The following IFIH1 variants were observed in gnomAD, a reference collection of about 807,000 sequenced individuals.
IFIH1 encodes interferon induced with helicase C domain 1, also known as interferon-induced helicase C domain-containing protein 1.
IFIH1 carries 125 observed loss-of-function variants against 107.4 expected under a neutral mutation model. The ratio of observed to expected loss-of-function variants is 1.16; its 90% CI spans 1.01 to 1.35. IFIH1 has a LOEUF of 1.35. Ranked by LOEUF, IFIH1 falls within the 40% of genes most tolerant of loss-of-function variation. IFIH1 has a pLI of 0.00. For missense variants in IFIH1, 1,333 were observed against 1,213.7 expected, an observed-to-expected ratio of 1.10 and a Z score of -1.46; for synonymous variants, 458 against 413.2, an observed-to-expected ratio of 1.11 and a Z score of -1.31.
chr2:162,304,581 CT>C (rs1183573476), intron 3 of IFIH1, among the ~76,000 whole-genome samples: 1 of 152,074 alleles, frequency 6.6e-6, no homozygotes, highest in Non-Finnish European at 1.5e-5. Flanking sequence ...GAATTGATAT[CT>C]TATATACTTA....
chr2:162,283,533 A>G (rs1440966164), intron 5 of IFIH1, among the ~76,000 whole-genome samples: 1 of 152,000 alleles, frequency 6.6e-6, no homozygotes, highest in Non-Finnish European at 1.5e-5. Flanking sequence ...AGTGTACAAT[A>G]TGGGAAACAG....
intron 13 of IFIH1, among the ~76,000 whole-genome samples, chr2:162,268,844 C>T (rs1306564125): frequency 1.3e-5 from 2 of 152,092 alleles, no homozygotes; most frequent in East Asian, 3.9e-4. Context: ...CTGCCTCAGC[C>T]TCTCAAAGTG....
chr2:162,310,944 A>G lies in IFIH1; in HGVS notation c.454-11T>C, dbSNP rs1198189984. ...TTCTGCAGCAGCAATCTGTTGTAAGAGAAAATTAGAATTAAGTAAGATCAA... is the reference window on the plus strand; with the variant it reads ...TTCTGCAGCAGCAATCTGTTGTAAGGGAAAATTAGAATTAAGTAAGATCAA... On this transcript the variant is annotated splice_polypyrimidine_tract_variant and intron_variant, in intron 1 of 15. Coordinates refer to ENST00000649979, the MANE Select transcript of IFIH1 (RefSeq NM_022168.4). 1.9e-5 allele frequency: 31 copies of G among 1,606,018 alleles called. No individual in the cohort carries two copies. The highest frequency in any genetic ancestry group is 2.6e-5 in the Non-Finnish European group (31 of 1,174,852).
chr2:162,314,419 T>TTTCCTTC (rs1558877465), intron 1 of IFIH1, among the ~76,000 whole-genome samples: 1 of 38,334 alleles, frequency 2.6e-5, no homozygotes, highest in Non-Finnish European at 4.5e-5. Context: ...TTCTTTCTTT[T>TTTCCTTC]CTTTCTTTCT....
Position 162,277,040 on chromosome 2 carries a change from TAC to T in IFIH1, c.2045-96_2045-95del, listed in dbSNP as rs756722351. 1.4e-4 allele frequency: 114 copies of T among 839,490 alleles called. 1 individual carries two copies. The highest frequency in any genetic ancestry group is 1.2e-3 in the South Asian group (60 of 51,054). 52.0% of individuals were successfully genotyped at this position (839,490 alleles called of 1,614,324 possible). On this transcript the variant is annotated intron_variant, in intron 10 of 15. Coordinates refer to ENST00000649979, the MANE Select transcript of IFIH1 (RefSeq NM_022168.4). Reference sequence around the variant, plus strand: ...TCAAACATTTTGTACACCAAAAATATACAGTTTTATTGATTAAAAATTAATTA... The same window carrying T: ...TCAAACATTTTGTACACCAAAAATATAGTTTTATTGATTAAAAATTAATTA...
chr2:162,311,177 A>G (rs1194383243), intron 1 of IFIH1, among the ~76,000 whole-genome samples: 1 of 152,106 alleles, frequency 6.6e-6, no homozygotes, highest in Admixed American at 6.5e-5. Flanking sequence ...TTAAATATGA[A>G]CCATTTTTTT....
rs1231845225 is a variant in IFIH1, at chr2:162,276,804, CTG to C, written c.2185_2186del (p.Gln729GlufsTer11). ...ARGIIFTKTR[Q>X]SAYALSQWIT... ...TCCACTGGGAAAGCGCATATGCACT[CTG>C]TCGTGTTTTTGTAAAGATTATTCCT... On this transcript the variant is annotated frameshift_variant, in exon 11 of 16. Coordinates refer to ENST00000649979, the MANE Select transcript of IFIH1 (RefSeq NM_022168.4). LOFTEE classifies it high-confidence loss of function. 1 of 1,613,912 alleles carries C rather than the reference CTG, an allele frequency of 6.2e-7. No homozygotes were observed. Among genetic ancestry groups the C allele is most frequent in the African/African-American group, 1.3e-5 (1 of 74,910 alleles).
intron 5 of IFIH1, among the ~76,000 whole-genome samples, chr2:162,286,135 T>G (rs999686050): frequency 6.6e-6 from 1 of 151,976 alleles, no homozygotes; most frequent in Non-Finnish European, 1.5e-5. Flanking sequence ...CTAGGAATGA[T>G]GACAGGTTTA....
intron 13 of IFIH1, among the ~76,000 whole-genome samples, chr2:162,270,183 G>A (rs1178774533): frequency 1.3e-5 from 2 of 152,094 alleles, no homozygotes; most frequent in Admixed American, 1.3e-4. Context: ...TATACAGGAG[G>A]CACAGCTACA....
chr2:162,295,728 T>C (rs1395648318), intron 3 of IFIH1, among the ~76,000 whole-genome samples: 2 of 151,968 alleles, frequency 1.3e-5, no homozygotes, highest in African/African-American at 4.8e-5. Flanking sequence ...AGATTTAAAA[T>C]ATGGCACCTC....
chr2:162,280,065 G>A lies in IFIH1; in HGVS notation c.1572C>T (p.Asn524=), dbSNP rs1190078586. Reference sequence around the variant, plus strand: ...GTATTTGGTTTTTCAGTTGATCAAGGTTTTCTTTAACAGTTTTAATAGTAA... The same window carrying A: ...GTATTTGGTTTTTCAGTTGATCAAGATTTTCTTTAACAGTTTTAATAGTAA... ...DAFTIKTVKE[N]LDQLKNQIQE... Residue 524 remains asparagine, a synonymous_variant, in exon 8 of 16, where the codon AAC becomes AAT. Transcript: ENST00000649979. The A allele has an allele frequency of 1.9e-6, 3 of 1,610,424 alleles. No homozygotes were observed. Among genetic ancestry groups the A allele is most frequent in the Non-Finnish European group, 2.5e-6 (3 of 1,177,454 alleles).
intron 12 of IFIH1, 40 bp downstream of exon 12, chr2:162,273,755 A>C (rs751077764): frequency 2.2e-6 from 3 of 1,394,656 alleles, no homozygotes; most frequent in African/African-American, 1.5e-5. Context: ...GAACACAACA[A>C]ATAAAAATTA....
In IFIH1 at chr2:162,318,236, C is replaced by A; in HGVS notation, c.72G>T (p.Met24Ile). Residue 24 changes from methionine to isoleucine, a missense_variant, in exon 1 of 16, where the codon ATG becomes ATT. Met to Ile is a conservative substitution (Grantham distance 10). Transcript: ENST00000649979. ...CCAGCACAGGCTCCACCTGGATGTA[C>A]ATTTTCACCCTGGCCCTGAAGCACG... ...LISCFRARVK[M>I]YIQVEPVLDY... 2 of 1,614,174 alleles carry A rather than the reference C, an allele frequency of 1.2e-6. No homozygotes were observed. Among genetic ancestry groups the A allele is most frequent in the Non-Finnish European group, 1.7e-6 (2 of 1,180,042 alleles).
Position 162,267,104 on chromosome 2 carries a change from G to A in IFIH1, c.*96C>T. 1.1e-6 allele frequency: 1 copy of A among 908,050 alleles called. No individual in the cohort carries two copies. Among genetic ancestry groups the A allele is most frequent in the Non-Finnish European group, 1.7e-6 (1 of 599,054 alleles). 56.2% of individuals were successfully genotyped at this position (908,050 alleles called of 1,614,324 possible). ...TGCAGAGTAAAACAATCATTTTATT[G>A]ATTCTTATGTCAGTTCTGTAGCATA... is the stretch of plus-strand genomic sequence containing the variant. On this transcript the variant is annotated 3_prime_UTR_variant, in exon 16 of 16. Transcript: ENST00000649979.
intron 8 of IFIH1, among the ~76,000 whole-genome samples, chr2:162,278,687 C>T (rs1558866562): frequency 2.0e-5 from 3 of 152,126 alleles, no homozygotes. Flanking sequence ...ATTTAAGAAA[C>T]ATTCCTCCTT....
In IFIH1 at chr2:162,306,359, T is replaced by G. The variant is rs181889374; in HGVS notation, c.769+350A>C. Among the ~76,000 whole-genome samples the G allele has an allele frequency of 4.4e-3, 664 of 152,300 alleles. 7 individuals carry two copies. The highest frequency in any genetic ancestry group is 0.015 in the African/African-American group (630 of 41,568). ...GAGAAAAAAAGCAATGAATCTATTT[T>G]ATTTTCAGGGTTTTGGGTGAATTAA... On this transcript the variant is annotated intron_variant, in intron 3 of 15. Coordinates refer to ENST00000649979, the MANE Select transcript of IFIH1 (RefSeq NM_022168.4).
chr2:162,305,139 A>G (rs1683259007), intron 3 of IFIH1, among the ~76,000 whole-genome samples: 1 of 152,232 alleles, frequency 6.6e-6, no homozygotes, highest in African/African-American at 2.4e-5. Flanking sequence ...ATACACATTC[A>G]GGTATGTAAA....
At chr2:162,280,232 A>G in intron 7 of IFIH1, 120 bp from the exon 8 acceptor site, 1 of 633,452 alleles carries the variant, frequency 1.6e-6, no homozygotes, top group South Asian at 1.9e-5. Flanking sequence ...AATATGTGGT[A>G]TAAAATTTCA....
chr2:162,267,738 C>G (rs1427740683), intron 14 of IFIH1, among the ~76,000 whole-genome samples, 169 bp from the exon 15 acceptor site: 1 of 152,200 alleles, frequency 6.6e-6, no homozygotes, highest in East Asian at 1.9e-4. Flanking sequence ...GGCAATGCTT[C>G]TCTTCTACAC....
Sources: gnomAD v4.1 joint callset for allele counts (sites outside exome capture counted in the v4.1 genomes callset) on GRCh38, gnomAD v4.1.1 for gene constraint, MANE v1.5 for transcripts, NCBI Gene and HGNC (gene_info 2026-07-23, HGNC 2026-07-21) for gene names.